Variants in ANKLE1 observed in about 807,000 individuals in gnomAD.
ANKLE1 encodes structure-specific endonuclease ANKLE1.
ANKLE1 carries 59 observed loss-of-function variants against 56.2 expected under a neutral mutation model. The ratio of observed to expected loss-of-function variants is 1.05; its 90% CI spans 0.85 to 1.30. ANKLE1 has a LOEUF of 1.30. Among genes scored for constraint, ANKLE1 ranks in the 50% most tolerant of loss-of-function variants. The pLI is 0.00. For missense variants in ANKLE1, 771 were observed against 816.1 expected, an observed-to-expected ratio of 0.94 and a Z score of 0.67; for synonymous variants, 341 against 352.9, an observed-to-expected ratio of 0.97 and a Z score of 0.38.
Position 17,286,878 on chromosome 19 carries a change from C to G in ANKLE1, c.*326C>G. 1 of 1,053,378 alleles carries G rather than the reference C, an allele frequency of 9.5e-7. No homozygotes were observed. The highest frequency in any genetic ancestry group is 2.7e-5 in the South Asian group (1 of 37,538). The allele number at this position is 1,053,378 out of a possible 1,614,324, so 65.3% of individuals were successfully genotyped here. On this transcript the variant is annotated 3_prime_UTR_variant, in exon 9 of 9. Coordinates refer to ENST00000404085, the MANE Select transcript of ANKLE1 (RefSeq NM_152363.6). ...GGTGCTTCTGTAAGAGGCGTTTGAA[C>G]CTGGGCAACTCCACCTGGAATAGGA... is the stretch of plus-strand genomic sequence containing the variant.
chr19:17,283,394 A>G lies in ANKLE1; in HGVS notation c.630A>G (p.Pro210=). 3.1e-6 allele frequency: 5 copies of G among 1,613,704 alleles called. No homozygotes were observed. Among genetic ancestry groups the G allele is most frequent in the Non-Finnish European group, 3.4e-6 (4 of 1,179,878 alleles). The change falls in exon 5 of 9, where the codon CCA becomes CCG. Residue 210 remains proline (P), a synonymous_variant. Coordinates refer to ENST00000404085, the MANE Select transcript of ANKLE1 (RefSeq NM_152363.6). ...AACATGGGAGCTCGGCGTCCCCTCC[A>G]GGGCACTGGGATTACAGCTCAGACG... is the stretch of plus-strand genomic sequence containing the variant. ...VDKHGSSASP[P]GHWDYSSDAS... is the part of the protein sequence containing the mutation.
In ANKLE1 at chr19:17,282,672, A is replaced by G; in HGVS notation, c.232A>G (p.Thr78Ala). The G allele has an allele frequency of 6.5e-7, 1 of 1,534,600 alleles. No homozygotes were observed. The highest frequency in any genetic ancestry group is 1.2e-5 in the South Asian group (1 of 83,982). ...CCGCCCCAGATCTGTCGAGGCACTG[A>G]CGCCGCTGCATGTGGCCGCCGCGTG... ...DPNARSVEAL[T>A]PLHVAAAWGC... Residue 78 changes from threonine (T) to alanine (A), a missense_variant, in exon 3 of 9, where the codon ACG becomes GCG. Transcript: ENST00000404085.
Position 17,284,237 on chromosome 19 carries a change from T to C in ANKLE1, c.1347T>C (p.Ser449=). 6.2e-7 allele frequency: 1 copy of C among 1,613,788 alleles called. No homozygotes were observed. The highest frequency in any genetic ancestry group is 8.5e-7 in the Non-Finnish European group (1 of 1,179,860). The change falls in exon 6 of 9, where the codon TCT becomes TCC. Residue 449 remains serine, a synonymous_variant. Coordinates refer to ENST00000404085, the MANE Select transcript of ANKLE1 (RefSeq NM_152363.6). ...ARRWREGVVK[S]SFTYLLLDPR... ...GGTGGCGGGAGGGGGTCGTGAAGTC[T>C]AGCTTCACCTATCTGCTGCTGGACC...
In ANKLE1 at chr19:17,282,001, G is replaced by A. The variant is rs748778085; in HGVS notation, c.62+19G>A. 2 of 1,534,816 alleles carry A rather than the reference G, an allele frequency of 1.3e-6. No individual in the cohort carries two copies. Among genetic ancestry groups the A allele is most frequent in the South Asian group, 1.2e-5 (1 of 83,866 alleles). Reference sequence around the variant, plus strand: ...AGCCGTGGTGAGGGCGGGGCCGGGGGCGGGCCAGGAGTGGGGGTCTTTGGC... The same window carrying A: ...AGCCGTGGTGAGGGCGGGGCCGGGGACGGGCCAGGAGTGGGGGTCTTTGGC... On this transcript the variant is annotated intron_variant, in intron 1 of 8. Transcript: ENST00000404085.
intron 6 of ANKLE1, 71 bp from the exon 7 acceptor site, chr19:17,285,360 G>A (rs772176168): frequency 7.6e-6 from 12 of 1,582,706 alleles, no homozygotes; most frequent in African/African-American, 1.3e-5. Flanking sequence ...AAGATATGTT[G>A]TGACTTTAAG....
chr19:17,283,555 C>A lies in ANKLE1; in HGVS notation c.791C>A (p.Ser264Tyr). The change falls in exon 5 of 9, where the codon TCT (serine) becomes TAT (tyrosine). Residue 264 changes from serine to tyrosine, a missense_variant. Physicochemically the swap from Ser to Tyr is moderately radical, Grantham distance 144. Transcript: ENST00000404085. The stretch of plus-strand genomic sequence containing the variant: ...CATGCCAACCAGAGGGTACCTAGGT[C>A]TCAGGGCACGGAGGCAGAACTGAAT... ...VVHANQRVPRSQGTEAELNAR... is the reference protein window; with the variant it reads ...VVHANQRVPRYQGTEAELNAR... 6.2e-7 allele frequency: 1 copy of A among 1,612,920 alleles called. No individual in the cohort carries two copies. The highest frequency in any genetic ancestry group is 1.1e-5 in the South Asian group (1 of 91,080).
chr19:17,286,012 G>C (rs2074027213), intron 8 of ANKLE1, among the ~76,000 whole-genome samples, 193 bp downstream of exon 8: 1 of 152,146 alleles, frequency 6.6e-6, no homozygotes, highest in South Asian at 2.1e-4. Context: ...TGGGTTTGCT[G>C]TCACATACTT....
chr19:17,284,746 C>A (rs527745874), intron 6 of ANKLE1, among the ~76,000 whole-genome samples: 1 of 128,398 alleles, frequency 7.8e-6, no homozygotes, highest in African/African-American at 3.0e-5. Flanking sequence ...AATGTAGTAG[C>A]GCAATCTTGG....
intron 6 of ANKLE1, 28 bp from the exon 7 acceptor site, chr19:17,285,403 C>A: frequency 6.2e-7 from 1 of 1,612,494 alleles, no homozygotes; most frequent in East Asian, 2.2e-5. Flanking sequence ...ATCCACTTTT[C>A]CCTGTCTGAG....
intron 8 of ANKLE1, 149 bp downstream of exon 8, chr19:17,285,968 C>A: frequency 8.7e-7 from 1 of 1,154,986 alleles, no homozygotes; most frequent in East Asian, 2.6e-5. Context: ...TATTTTGCTC[C>A]ATTGGTTTAT....
rs1466917709 is a variant in ANKLE1, at chr19:17,286,229, G to A, written c.1676-151G>A. On this transcript the variant is annotated intron_variant, in intron 8 of 8. Coordinates refer to ENST00000404085, the MANE Select transcript of ANKLE1 (RefSeq NM_152363.6). ...AGGGTTTCACCATGTTGGCCAGGCT[G>A]GTCTCGAACTCCTGGCTTCATGTGA... is the stretch of plus-strand genomic sequence containing the variant. 2.9e-6 allele frequency: 3 copies of A among 1,035,338 alleles called. No individual in the cohort carries two copies. In the East Asian group the frequency reaches 8.2e-5, roughly 28 times the overall value. 64.1% of individuals were successfully genotyped at this position (1,035,338 alleles called of 1,614,324 possible). A position where few individuals can be genotyped will look rare whatever the true frequency, so the allele number is the denominator to read the frequency against.
In ANKLE1 at chr19:17,282,953, C is replaced by A. The variant is rs1310467446; in HGVS notation, c.411C>A (p.Thr137=). 1.3e-6 allele frequency: 2 copies of A among 1,569,168 alleles called. No individual in the cohort carries two copies. Among genetic ancestry groups the A allele is most frequent in the Non-Finnish European group, 1.7e-6 (2 of 1,163,600 alleles). Residue 137 remains threonine (T), a synonymous_variant, in exon 4 of 9, where the codon ACC becomes ACA. Coordinates refer to ENST00000404085, the MANE Select transcript of ANKLE1 (RefSeq NM_152363.6). ...VLQDLDTRTR[T]RTRIGAETQE... is the part of the protein sequence containing the mutation. The stretch of plus-strand genomic sequence containing the variant: ...AGGATCTCGACACGCGGACCAGGAC[C>A]CGGACCCGGATCGGGGCAGAGACTC...
Position 17,283,004 on chromosome 19 carries a change from T to C in ANKLE1, c.460+2T>C. On this transcript the variant is annotated splice_donor_variant, in intron 4 of 8. Coordinates refer to ENST00000404085, the MANE Select transcript of ANKLE1 (RefSeq NM_152363.6). LOFTEE classifies it high-confidence loss of function. ...AGGAGCCCGAGCCTGCACCTGGCAG[T>C]GAGTAGGGCCTGCAGGGCTGCTGGG... 1 of 1,558,842 alleles carries C rather than the reference T, an allele frequency of 6.4e-7. No individual in the cohort carries two copies. The highest frequency in any genetic ancestry group is 2.4e-5 in the East Asian group (1 of 42,444).
intron 2 of ANKLE1, chr19:17,282,455 G>C: frequency 1.2e-6 from 1 of 810,020 alleles, no homozygotes; most frequent in Non-Finnish European, 1.9e-6. Flanking sequence ...TCGGATATTG[G>C]AGTGGAGGCA....
Position 17,283,847 on chromosome 19 carries a change from G to T in ANKLE1, c.1083G>T (p.Val361=), listed in dbSNP as rs759121352. ...GCCGGCACCTGCCAGTCTCCACTGTGTCTGACTTGGAGTTGCTGAAGGGAC... is the reference window on the plus strand; with the variant it reads ...GCCGGCACCTGCCAGTCTCCACTGTTTCTGACTTGGAGTTGCTGAAGGGAC... ...GPCRHLPVST[V]SDLELLKGLR... The change falls in exon 5 of 9, where the codon GTG becomes GTT. Residue 361 remains valine, a synonymous_variant. Coordinates refer to ENST00000404085, the MANE Select transcript of ANKLE1 (RefSeq NM_152363.6). 104 of 1,613,612 alleles carry T rather than the reference G, an allele frequency of 6.4e-5. No individual in the cohort carries two copies. The highest frequency in any genetic ancestry group is 8.6e-5 in the Non-Finnish European group (102 of 1,179,904).
chr19:17,282,484 G>A (rs763092653), intron 2 of ANKLE1, 172 bp from the exon 3 acceptor site: 104 of 844,960 alleles, frequency 1.2e-4, no homozygotes, highest in Non-Finnish European at 1.8e-4. Flanking sequence ...AGACGGCAGA[G>A]GTTTGGGTCC....
At chr19:17,283,164 C>A in intron 4 of ANKLE1, 61 bp from the exon 5 acceptor site, 1 of 1,564,174 alleles carries the variant, frequency 6.4e-7, no homozygotes, top group Non-Finnish European at 8.7e-7. Context: ...CTGTTTGATC[C>A]TATTCTCATC....
chr19:17,282,315 G>A, intron 2 of ANKLE1, 106 bp downstream of exon 2: 1 of 1,401,506 alleles, frequency 7.1e-7, no homozygotes, highest in Non-Finnish European at 9.4e-7. Flanking sequence ...CTCGAGGGTG[G>A]GGTTTAGGGG....
rs2074030241 is a variant in ANKLE1 at position 17,286,369 on chromosome 19, A to G, written c.1676-11A>G. On this transcript the variant is annotated splice_polypyrimidine_tract_variant and intron_variant, in intron 8 of 8. Coordinates refer to ENST00000404085, the MANE Select transcript of ANKLE1 (RefSeq NM_152363.6). ...TGGCTGCCCCTGTGACCCCACATCCAATTTCTCCAGGGATCCAGACGCTCA... is the reference window on the plus strand; with the variant it reads ...TGGCTGCCCCTGTGACCCCACATCCGATTTCTCCAGGGATCCAGACGCTCA... 1 of 1,542,202 alleles carries G rather than the reference A, an allele frequency of 6.5e-7. No homozygotes were observed. Among genetic ancestry groups the G allele is most frequent in the East Asian group, 2.3e-5 (1 of 43,888 alleles).
Sources: allele counts gnomAD v4.1 joint callset (sites outside exome capture counted in the v4.1 genomes callset), GRCh38; gene constraint gnomAD v4.1.1; transcripts MANE v1.5; gene names NCBI Gene and HGNC (gene_info 2026-07-23, HGNC 2026-07-21).